The following ROBO1 variants were observed in gnomAD, a reference collection of about 807,000 sequenced individuals.
ROBO1 encodes the protein roundabout guidance receptor 1, also known as roundabout homolog 1.
ROBO1 carries 149 observed loss-of-function variants against 195.9 expected under a neutral mutation model. The observed-to-expected ratio is 0.76, with a 90% CI of 0.67 to 0.87. The LOEUF (loss-of-function observed/expected upper bound fraction) is 0.87, where lower values mean the gene tolerates loss of function less well. ROBO1 is among the 40% of genes least tolerant of loss of function. The pLI is 0.00. For synonymous variants in ROBO1, 816 were observed against 733.2 expected (o/e 1.11, Z -1.82); for missense variants, 1,933 against 2,068.3 (o/e 0.93, Z 1.27).
intron 3 of ROBO1, among the ~76,000 whole-genome samples, chr3:79,048,526 G>A (rs578138196): frequency 3.3e-5 from 5 of 152,190 alleles, no homozygotes; most frequent in South Asian, 2.1e-4. Flanking sequence ...TGGCATCCAC[G>A]CAGCTGAGTG....
chr3:79,094,685 T>C (rs938260154), intron 3 of ROBO1, among the ~76,000 whole-genome samples: 8 of 152,170 alleles, frequency 5.3e-5, no homozygotes, highest in Non-Finnish European at 1.2e-4. Flanking sequence ...ATCTCTGAAT[T>C]TGTTAAACTA....
At chr3:78,873,099 ATTTAC>A (rs1255050585) in intron 4 of ROBO1, among the ~76,000 whole-genome samples, 3 of 152,034 alleles carry the variant, frequency 2.0e-5, no homozygotes, top group Non-Finnish European at 2.9e-5. Context: ...ATTCTATTTT[ATTTAC>A]TTTAAATTCT....
intron 2 of ROBO1, among the ~76,000 whole-genome samples, chr3:79,165,526 A>C (rs1476700096): frequency 6.6e-6 from 1 of 152,240 alleles, no homozygotes; most frequent in Non-Finnish European, 1.5e-5. Context: ...CGAAGATCAG[A>C]AATCAGTGTC....
At chr3:79,272,999 A>G (rs1327213488) in intron 2 of ROBO1, among the ~76,000 whole-genome samples, 1 of 152,104 alleles carries the variant, frequency 6.6e-6, no homozygotes, top group African/African-American at 2.4e-5. Context: ...TTTGAAGAGT[A>G]TATCTGGTGA....
intron 2 of ROBO1, among the ~76,000 whole-genome samples, chr3:79,481,935 CTT>C (rs1218367715): frequency 1.3e-5 from 2 of 152,102 alleles, no homozygotes; most frequent in Non-Finnish European, 2.9e-5. Context: ...GATTATGACT[CTT>C]AAGTGAATTT....
chr3:79,195,402 C>T (rs937286942), intron 2 of ROBO1, among the ~76,000 whole-genome samples: 11 of 151,434 alleles, frequency 7.3e-5, no homozygotes, highest in African/African-American at 1.2e-4. Flanking sequence ...CTTTAAGTGG[C>T]AATTGGCAAA....
chr3:79,249,694 A>T (rs910441012), intron 2 of ROBO1, among the ~76,000 whole-genome samples: 3 of 152,188 alleles, frequency 2.0e-5, no homozygotes, highest in Non-Finnish European at 4.4e-5. Context: ...GTAACCTAGA[A>T]GAAGAGCCTC....
chr3:79,481,110 C>G (rs1938829709), intron 2 of ROBO1, among the ~76,000 whole-genome samples: 1 of 152,058 alleles, frequency 6.6e-6, no homozygotes, highest in Admixed American at 6.5e-5. Flanking sequence ...ATGTATTCTA[C>G]TGATGGTGAA....
chr3:79,082,887 A>C (rs2079300477), intron 3 of ROBO1, among the ~76,000 whole-genome samples: 1 of 152,084 alleles, frequency 6.6e-6, no homozygotes, highest in Non-Finnish European at 1.5e-5. Flanking sequence ...GGTTGAACTT[A>C]TTTTTAGCTC....
intron 3 of ROBO1, among the ~76,000 whole-genome samples, chr3:79,051,248 T>C (rs1198454054): frequency 1.3e-5 from 2 of 151,996 alleles, no homozygotes; most frequent in Admixed American, 6.6e-5. Flanking sequence ...CCCACAGAAA[T>C]AAAACTGCCA....
intron 2 of ROBO1, among the ~76,000 whole-genome samples, chr3:79,390,746 T>C (rs2036916306): frequency 1.3e-5 from 2 of 151,740 alleles, no homozygotes; most frequent in Non-Finnish European, 1.5e-5. Flanking sequence ...TAGAGGAGAT[T>C]GGGAATGTGG....
chr3:78,717,511 A>T, intron 6 of ROBO1, 98 bp from the exon 7 acceptor site: 1 of 1,148,446 alleles, frequency 8.7e-7, no homozygotes, highest in Non-Finnish European at 1.3e-6. Flanking sequence ...AATTTAAAAT[A>T]TCAGCGAGGA....
chr3:78,876,273 C>T (rs1416975081), intron 4 of ROBO1, among the ~76,000 whole-genome samples: 5 of 151,834 alleles, frequency 3.3e-5, no homozygotes. Context: ...AGAGTGTAAC[C>T]AAACATAAAC....
intron 3 of ROBO1, among the ~76,000 whole-genome samples, chr3:78,996,059 G>A (rs1047943439): frequency 1.3e-5 from 2 of 152,064 alleles, no homozygotes; most frequent in East Asian, 3.9e-4. Flanking sequence ...TTTTTTCAGA[G>A]AAGCTAGAAG....
At chr3:79,607,762 T>C (rs1944535389) in intron 1 of ROBO1, among the ~76,000 whole-genome samples, 1 of 152,024 alleles carries the variant, frequency 6.6e-6, no homozygotes, top group South Asian at 2.1e-4. Flanking sequence ...ATTTAATTCC[T>C]AAAATAAATT....
intron 2 of ROBO1, among the ~76,000 whole-genome samples, chr3:79,511,821 C>A (rs1940721426): frequency 1.3e-5 from 2 of 152,050 alleles, no homozygotes; most frequent in African/African-American, 4.8e-5. Context: ...AATGCAGGAA[C>A]AGAAAACCAA....
At chr3:79,457,803 G>A (rs1449613988) in intron 2 of ROBO1, among the ~76,000 whole-genome samples, 2 of 152,058 alleles carry the variant, frequency 1.3e-5, no homozygotes, top group Non-Finnish European at 2.9e-5. Context: ...GTGGAGCTCT[G>A]AGTCCATTAA....
intron 14 of ROBO1, among the ~76,000 whole-genome samples, chr3:78,667,070 T>A (rs1197283516): frequency 6.6e-6 from 1 of 152,134 alleles, no homozygotes; most frequent in African/African-American, 2.4e-5. Context: ...ATATCTCTCA[T>A]ATTTATGTGA....
At chr3:78,997,487 T>C (rs2077397409) in intron 3 of ROBO1, among the ~76,000 whole-genome samples, 1 of 152,110 alleles carries the variant, frequency 6.6e-6, no homozygotes, top group Non-Finnish European at 1.5e-5. Context: ...CACATTCTCC[T>C]TGTCATTAAA....
Sources: gnomAD v4.1 joint callset for allele counts (sites outside exome capture counted in the v4.1 genomes callset) on GRCh38, gnomAD v4.1.1 for gene constraint, MANE v1.5 for transcripts, NCBI Gene and HGNC (gene_info 2026-07-23, HGNC 2026-07-21) for gene names.